Variants in ZNF679 observed in about 807,000 individuals in gnomAD.
ZNF679 encodes hypothetical protein MGC42415.
ZNF679 carries 10 observed loss-of-function variants against 13.4 expected under a neutral mutation model. That is an observed-to-expected ratio of 0.75 (90% CI 0.46 to 1.27). The LOEUF (loss-of-function observed/expected upper bound fraction) is 1.27. Ranked by LOEUF, ZNF679 falls within the 50% of genes most tolerant of loss-of-function variation. The probability of loss-of-function intolerance (pLI) is 0.00; values close to 1 mark genes in which losing one functional copy is unlikely to be tolerated. For synonymous variants in ZNF679, 179 were observed against 162.5 expected (o/e 1.10, Z -0.77); for missense variants, 525 against 477.8 (o/e 1.10, Z -0.92).
intron 1 of ZNF679, among the ~76,000 whole-genome samples, chr7:64,241,341 C>T (rs559501501): frequency 8.7e-4 from 133 of 152,336 alleles, no homozygotes; most frequent in Non-Finnish European, 1.6e-3. Flanking sequence ...AGACAGACCA[C>T]GCACAAGGGT....
chr7:64,238,793 G>A (rs1000841838), intron 1 of ZNF679, among the ~76,000 whole-genome samples: 1 of 152,114 alleles, frequency 6.6e-6, no homozygotes, highest in Non-Finnish European at 1.5e-5. Flanking sequence ...ATCCTACAGA[G>A]GACATCAAAA....
intron 1 of ZNF679, among the ~76,000 whole-genome samples, chr7:64,243,508 T>C (rs952265657): frequency 2.0e-5 from 3 of 152,116 alleles, no homozygotes; most frequent in Admixed American, 6.6e-5. Context: ...ATTTCTCCTG[T>C]AAATAGATTC....
Position 64,266,923 on chromosome 7 carries a change from A to G in ZNF679, c.*54A>G. 6.9e-7 allele frequency: 1 copy of G among 1,450,642 alleles called. No homozygotes were observed. Among genetic ancestry groups the G allele is most frequent in the Non-Finnish European group, 9.1e-7 (1 of 1,098,856 alleles). 89.9% of individuals were successfully genotyped at this position (1,450,642 alleles called of 1,614,324 possible). ...TAATACATAAAATAATTTATACTTG[A>G]AAAAATCACTACAAGTGTAAAGAAT... On this transcript the variant is annotated 3_prime_UTR_variant, in exon 5 of 5. Coordinates refer to ENST00000421025, the MANE Select transcript of ZNF679 (RefSeq NM_153363.3).
intron 1 of ZNF679, among the ~76,000 whole-genome samples, chr7:64,241,886 T>C (rs554162011): frequency 6.1e-4 from 93 of 152,318 alleles, no homozygotes; most frequent in African/African-American, 2.0e-3. Context: ...ACAGTAAAAT[T>C]AATCAGATGC....
intron 1 of ZNF679, among the ~76,000 whole-genome samples, chr7:64,233,253 C>CAAAAAAAAAAAAA (rs71060564): frequency 1.6e-5 from 2 of 126,252 alleles, no homozygotes. Context: ...AACAAATAAA[C>CAAAAAAAAAAAAA]AAAAAAAAAA....
intron 1 of ZNF679, among the ~76,000 whole-genome samples, chr7:64,234,548 T>C (rs112439360): frequency 0.04 from 6,039 of 152,158 alleles, 190 homozygotes; most frequent in East Asian, 0.16. Context: ...GAATTGGAAA[T>C]TGGCAACAAC....
At position 64,260,835 on chromosome 7, in the gene ZNF679, T is replaced by C; in HGVS notation, c.168T>C (p.Gly56=). The change falls in exon 4 of 5, where the codon GGT becomes GGC. Residue 56 remains glycine (G), a splice_region_variant and synonymous_variant. Coordinates refer to ENST00000421025, the MANE Select transcript of ZNF679 (RefSeq NM_153363.3). ...TACTTTTTTTTCTTAATAAAACAGG[T>C]ATTGCTGTCTCTAAGCCAGACTTGA... ...LENYRNLVSL[G]IAVSKPDLIT... is the part of the protein sequence containing the mutation. The C allele has an allele frequency of 1.2e-6, 2 of 1,602,898 alleles. No individual in the cohort carries two copies. The highest frequency in any genetic ancestry group is 1.7e-6 in the Non-Finnish European group (2 of 1,177,170).
chr7:64,266,628 C>T lies in ZNF679; in HGVS notation c.995C>T (p.Ala332Val), dbSNP rs767858647. ...KPYTCEECGK[A>V]FNCSSTLKKH... ...TACACATGTGAAGAATGTGGCAAAG[C>T]CTTTAACTGCTCCTCAACCCTTAAG... Residue 332 changes from alanine to valine, a missense_variant, in exon 5 of 5, where the codon GCC (alanine) becomes GTC (valine). Transcript: ENST00000421025. 9.9e-6 allele frequency: 16 copies of T among 1,610,450 alleles called. No homozygotes were observed. The highest frequency in any genetic ancestry group is 1.3e-5 in the Non-Finnish European group (15 of 1,177,106).
intron 2 of ZNF679, among the ~76,000 whole-genome samples, chr7:64,253,114 T>C (rs1380884101): frequency 6.6e-6 from 1 of 152,226 alleles, no homozygotes; most frequent in African/African-American, 2.4e-5. Flanking sequence ...GAATGTCCTG[T>C]TATGGAAATA....
Position 64,266,820 on chromosome 7 carries a change from C to G in ZNF679, c.1187C>G (p.Ala396Gly), listed in dbSNP as rs773670351. 1 of 1,599,506 alleles carries G rather than the reference C, an allele frequency of 6.3e-7. No individual in the cohort carries two copies. The highest frequency in any genetic ancestry group is 1.7e-5 in the Admixed American group (1 of 57,612). ...DKAFKWSSSLANHKSMHTGEK... is the reference protein window; with the variant it reads ...DKAFKWSSSLGNHKSMHTGEK... ...GCTTTTAAGTGGTCCTCAAGTCTTG[C>G]TAATCATAAGAGTATGCATACTGGA... Residue 396 changes from alanine (A) to glycine (G), a missense_variant, in exon 5 of 5, where the codon GCT (alanine) becomes GGT (glycine). Physicochemically the swap from Ala to Gly is moderately conservative, Grantham distance 60 (BLOSUM62 0). Coordinates refer to ENST00000421025, the MANE Select transcript of ZNF679 (RefSeq NM_153363.3).
intron 4 of ZNF679, among the ~76,000 whole-genome samples, chr7:64,262,728 T>C (rs1206913982): frequency 1.3e-5 from 2 of 152,206 alleles, no homozygotes; most frequent in Admixed American, 6.5e-5. Flanking sequence ...TTTTATTATG[T>C]TTTAAAATTA....
chr7:64,232,671 T>C (rs1238665415), intron 1 of ZNF679, among the ~76,000 whole-genome samples: 1 of 152,058 alleles, frequency 6.6e-6, no homozygotes, highest in Admixed American at 6.5e-5. Flanking sequence ...GTCATATTAT[T>C]TGGGTGCTGG....
At chr7:64,254,999 C>CACA (rs1787985300) in intron 2 of ZNF679, among the ~76,000 whole-genome samples, 1 of 92,138 alleles carries the variant, frequency 1.1e-5, no homozygotes, top group Non-Finnish European at 2.0e-5. Flanking sequence ...GACTCCATCT[C>CACA]AAAAAAAAAA....
Position 64,266,256 on chromosome 7 carries a change from G to A in ZNF679, c.623G>A (p.Arg208Lys), listed in dbSNP as rs1433788851. 1 of 1,586,404 alleles carries A rather than the reference G, an allele frequency of 6.3e-7. No homozygotes were observed. The highest frequency in any genetic ancestry group is 8.6e-7 in the Non-Finnish European group (1 of 1,165,246). Residue 208 changes from arginine (R) to lysine (K), a missense_variant, in exon 5 of 5, where the codon AGG becomes AAG. By Grantham distance (26) the Arg-to-Lys change is conservative. Coordinates refer to ENST00000421025, the MANE Select transcript of ZNF679 (RefSeq NM_153363.3). ...QLHQHQIIHTRENSYQCEECG... is the reference protein window; with the variant it reads ...QLHQHQIIHTKENSYQCEECG... Reference sequence around the variant, plus strand: ...CATCAACATCAGATAATTCATACTAGGGAGAATTCCTACCAATGTGAAGAA... The same window carrying A: ...CATCAACATCAGATAATTCATACTAAGGAGAATTCCTACCAATGTGAAGAA...
chr7:64,266,739 C>G lies in ZNF679; in HGVS notation c.1106C>G (p.Thr369Ser), dbSNP rs1376883609. ...TTTGCCTTCTCCTCAACTCTTAATA[C>G]TCATAAGAGGATTCATACTGGAGAG... The part of the protein sequence containing the change: ...KAFAFSSTLN[T>S]HKRIHTGEEP... Residue 369 changes from threonine to serine, a missense_variant, in exon 5 of 5, where the codon ACT becomes AGT. Physicochemically the swap from Thr to Ser is moderately conservative, Grantham distance 58. Transcript: ENST00000421025. The G allele has an allele frequency of 1.6e-5, 25 of 1,610,298 alleles. No homozygotes were observed. The highest frequency in any genetic ancestry group is 1.9e-5 in the Non-Finnish European group (22 of 1,178,466).
At chr7:64,237,018 A>G (rs1457934812) in intron 1 of ZNF679, among the ~76,000 whole-genome samples, 1 of 146,890 alleles carries the variant, frequency 6.8e-6, no homozygotes, top group African/African-American at 2.5e-5. Context: ...AGAAAGAAAG[A>G]AAGAAACCTA....
intron 2 of ZNF679, among the ~76,000 whole-genome samples, chr7:64,249,658 G>T (rs1274603368): frequency 6.6e-6 from 1 of 152,150 alleles, no homozygotes; most frequent in Non-Finnish European, 1.5e-5. Flanking sequence ...GGAGAGACTT[G>T]AAGAAGTCTG....
intron 2 of ZNF679, among the ~76,000 whole-genome samples, chr7:64,257,695 A>C (rs1043930574): frequency 1.3e-5 from 2 of 152,166 alleles, no homozygotes; most frequent in African/African-American, 2.4e-5. Flanking sequence ...TTCTCTGTAA[A>C]CTTAAAAAAG....
intron 1 of ZNF679, among the ~76,000 whole-genome samples, chr7:64,234,208 A>T (rs1489397179): frequency 6.6e-6 from 1 of 152,222 alleles, no homozygotes; most frequent in Non-Finnish European, 1.5e-5. Context: ...GACCTTCAAA[A>T]TCACTATGAC....
Sources: gnomAD v4.1 joint callset for allele counts (sites outside exome capture counted in the v4.1 genomes callset) on GRCh38, gnomAD v4.1.1 for gene constraint, MANE v1.5 for transcripts, NCBI Gene and HGNC (gene_info 2026-07-23, HGNC 2026-07-21) for gene names.